MYOZ1: variants seen among roughly 807,000 people sequenced by gnomAD.
MYOZ1 encodes myozenin-1.
A neutral mutation model predicts 28.7 loss-of-function variants in MYOZ1; 20 were observed. That is an observed-to-expected ratio of 0.70 (90% CI 0.49 to 1.01). The LOEUF (loss-of-function observed/expected upper bound fraction) is 1.01. Ranked by LOEUF, MYOZ1 falls within the 50% of genes least tolerant of loss-of-function variation. MYOZ1 has a pLI of 0.00. For missense variants in MYOZ1, 371 were observed against 372.4 expected (o/e 1.00, Z 0.03); for synonymous variants, 144 against 145.8 (o/e 0.99, Z 0.09).
chr10:73,640,059 T>A, intron 1 of MYOZ1, 24 bp from the exon 2 acceptor site: 2 of 1,581,402 alleles, frequency 1.3e-6, no homozygotes, highest in South Asian at 2.2e-5. Flanking sequence ...GAAGGAGGAG[T>A]TGGTGGATGG....
intron 4 of MYOZ1, 63 bp from the exon 5 acceptor site, chr10:73,634,128 TC>T: frequency 6.3e-7 from 1 of 1,585,412 alleles, no homozygotes; most frequent in South Asian, 1.1e-5. Flanking sequence ...TGAAAGGTAA[TC>T]CCACGCCCCT....
chr10:73,640,297 G>A lies in MYOZ1; in HGVS notation c.-18-262C>T, dbSNP rs138849384. 6.7e-3 allele frequency among the ~76,000 whole-genome samples: 1,017 copies of A among 152,098 alleles called. 4 individuals carry two copies. The highest frequency in any genetic ancestry group is 0.012 in the Non-Finnish European group (823 of 67,990). On this transcript the variant is annotated intron_variant, in intron 1 of 5. Transcript: ENST00000359322. The stretch of plus-strand genomic sequence containing the variant: ...CCCAAGTAGCTGGGACTATAGGTGC[G>A]CACCACCGTGCCTGGCTAATTTTTG...
intron 3 of MYOZ1, among the ~76,000 whole-genome samples, chr10:73,637,406 G>C (rs1478263103): frequency 6.6e-6 from 1 of 152,100 alleles, no homozygotes; most frequent in Non-Finnish European, 1.5e-5. Context: ...TATTCATTGT[G>C]TATCTCAACT....
chr10:73,637,663 C>T (rs2132407759), intron 3 of MYOZ1, 81 bp downstream of exon 3: 2 of 1,337,624 alleles, frequency 1.5e-6, no homozygotes, highest in South Asian at 2.9e-5. Flanking sequence ...ATGTTGACTG[C>T]ATTTTGGAGG....
intron 2 of MYOZ1, among the ~76,000 whole-genome samples, chr10:73,638,156 A>G (rs1002706846): frequency 6.6e-6 from 1 of 151,910 alleles, no homozygotes; most frequent in African/African-American, 2.4e-5. Flanking sequence ...GGAGAGGCCA[A>G]TGGGGTAAAA....
rs1449312155 is a variant in MYOZ1, at chr10:73,634,336, A to G, written c.502+148T>C. The G allele has an allele frequency of 3.9e-6, 4 of 1,029,442 alleles. No individual in the cohort carries two copies. In the East Asian group the frequency reaches 8.3e-5, roughly 21 times the overall value. 63.8% of individuals were successfully genotyped at this position (1,029,442 alleles called of 1,614,324 possible). ...CTGGACCCAGGTAATTCACCAAGAT[A>G]TTTATGATATTTAAACTGATATTAT... On this transcript the variant is annotated intron_variant, in intron 4 of 5. Coordinates refer to ENST00000359322, the MANE Select transcript of MYOZ1 (RefSeq NM_021245.4).
At position 73,640,552 on chromosome 10, in the gene MYOZ1, T is replaced by A. The variant is rs770924912; in HGVS notation, c.-18-517A>T. On this transcript the variant is annotated intron_variant, in intron 1 of 5. Coordinates refer to ENST00000359322, the MANE Select transcript of MYOZ1 (RefSeq NM_021245.4). Reference sequence around the variant, plus strand: ...AAGTATAGATGCACACCAGCCCCTGTTGTCTACCAACCTGTTGTGAGCTGT... The same window carrying A: ...AAGTATAGATGCACACCAGCCCCTGATGTCTACCAACCTGTTGTGAGCTGT... Among the ~76,000 whole-genome samples, 6 of 152,220 alleles carry A rather than the reference T, an allele frequency of 3.9e-5. No individual in the cohort carries two copies. The East Asian group carries it at 1.2e-3, about 29-fold the overall frequency.
Position 73,631,857 on chromosome 10 carries a change from C to T in MYOZ1, c.*73G>A. On this transcript the variant is annotated 3_prime_UTR_variant, in exon 6 of 6. Coordinates refer to ENST00000359322, the MANE Select transcript of MYOZ1 (RefSeq NM_021245.4). The stretch of plus-strand genomic sequence containing the variant: ...AAGGATACTGGATTAACAATGGGGG[C>T]TATCTGCTCAGCATTCCCTCTCCAA... 7.9e-7 allele frequency: 1 copy of T among 1,270,350 alleles called. No homozygotes were observed. Among genetic ancestry groups the T allele is most frequent in the African/African-American group, 1.5e-5 (1 of 67,934 alleles). 78.7% of individuals were successfully genotyped at this position (1,270,350 alleles called of 1,614,324 possible).
chr10:73,632,783 CAAA>C (rs778322709), intron 5 of MYOZ1, among the ~76,000 whole-genome samples: 2 of 119,910 alleles, frequency 1.7e-5, no homozygotes, highest in Non-Finnish European at 1.8e-5. Context: ...GACTCTGTCT[CAAA>C]AAAAAAAAAA....
rs1461699159 is a variant in MYOZ1, at chr10:73,632,172, G to T, written c.669-11C>A. 6.2e-7 allele frequency: 1 copy of T among 1,605,130 alleles called. No homozygotes were observed. Among genetic ancestry groups the T allele is most frequent in the Non-Finnish European group, 8.5e-7 (1 of 1,171,992 alleles). The stretch of plus-strand genomic sequence containing the variant: ...TAGGGCATTGCCGTCCTGAGAAGGG[G>T]ACACATTATTTAATTAAGAATCAGA... On this transcript the variant is annotated splice_polypyrimidine_tract_variant and intron_variant, in intron 5 of 5. Coordinates refer to ENST00000359322, the MANE Select transcript of MYOZ1 (RefSeq NM_021245.4).
intron 5 of MYOZ1, among the ~76,000 whole-genome samples, chr10:73,633,656 C>T (rs2081649220): frequency 6.6e-6 from 1 of 152,292 alleles, no homozygotes; most frequent in Non-Finnish European, 1.5e-5. Flanking sequence ...CCCATGCCTA[C>T]ACAGCTAATA....
At chr10:73,634,190 A>G in intron 4 of MYOZ1, 125 bp from the exon 5 acceptor site, 1 of 1,163,552 alleles carries the variant, frequency 8.6e-7, no homozygotes, top group Non-Finnish European at 1.2e-6. Flanking sequence ...TATCCTGGTA[A>G]TTGTATAAGG....
Position 73,634,550 on chromosome 10 carries a change from C to T in MYOZ1, c.436G>A (p.Gly146Ser). The T allele has an allele frequency of 6.2e-7, 1 of 1,614,144 alleles. No individual in the cohort carries two copies. Among genetic ancestry groups the T allele is most frequent in the Non-Finnish European group, 8.5e-7 (1 of 1,180,038 alleles). The change falls in exon 4 of 6, where the codon GGT becomes AGT. Residue 146 changes from glycine to serine, a missense_variant. By Grantham distance (56) the Gly-to-Ser change is moderately conservative. Coordinates refer to ENST00000359322, the MANE Select transcript of MYOZ1 (RefSeq NM_021245.4). ...GSGSGAGGTG[G>S]PAGQAGRGGA... ...CCTCTGCCAGCCTGGCCCGCGGGAC[C>T]ACCTGTACCCCCAGCTCCAGACCCA...
rs150166405 is a variant in MYOZ1, at chr10:73,632,088, C to G, written c.742G>C (p.Gly248Arg). 3.7e-5 allele frequency: 59 copies of G among 1,614,098 alleles called. No homozygotes were observed. In the African/African-American group the frequency reaches 6.9e-4, roughly 19 times the overall value. ...MTFQMPKFDLGPLLSEPLVLY... is the reference protein window; with the variant it reads ...MTFQMPKFDLRPLLSEPLVLY... ...ACCAGGGGTTCACTCAGCAAGGGCC[C>G]CAGGTCAAACTTGGGCATCTGGAAG... Residue 248 changes from glycine to arginine, a missense_variant, in exon 6 of 6, where the codon GGG becomes CGG. Transcript: ENST00000359322.
At chr10:73,638,995 T>C (rs1053623884) in intron 2 of MYOZ1, among the ~76,000 whole-genome samples, 1 of 135,728 alleles carries the variant, frequency 7.4e-6, no homozygotes, top group African/African-American at 2.8e-5. Flanking sequence ...TTAATGGAAA[T>C]GAGGTCTCAT....
intron 4 of MYOZ1, 126 bp downstream of exon 4, chr10:73,634,358 T>C (rs2132405493): frequency 9.1e-7 from 1 of 1,103,932 alleles, no homozygotes; most frequent in Non-Finnish European, 1.2e-6. Context: ...TAAACTGATA[T>C]TATTATATTT....
At chr10:73,635,122 T>C (rs1301117213) in intron 3 of MYOZ1, among the ~76,000 whole-genome samples, 2 of 152,050 alleles carry the variant, frequency 1.3e-5, no homozygotes, top group African/African-American at 4.8e-5. Context: ...GTGGGGTTTC[T>C]GCACGTTGGT....
Position 73,637,869 on chromosome 10 carries a change from C to G in MYOZ1, c.127G>C (p.Asp43His). ...NLGKKISVPR[D>H]VMLEELSLLT... ...AGCGACAGTTCCTCCAACATCACAT[C>G]CCTTGGGACACTGATCTTTTTGCCC... The change falls in exon 3 of 6, where the codon GAT (aspartate) becomes CAT (histidine). Residue 43 changes from aspartate (D) to histidine (H), a missense_variant. Physicochemically the swap from Asp to His is moderately conservative, Grantham distance 81. Coordinates refer to ENST00000359322, the MANE Select transcript of MYOZ1 (RefSeq NM_021245.4). 1 of 1,614,124 alleles carries G rather than the reference C, an allele frequency of 6.2e-7. No homozygotes were observed. Among genetic ancestry groups the G allele is most frequent in the Non-Finnish European group, 8.5e-7 (1 of 1,180,030 alleles).
chr10:73,636,390 G>C (rs376526603), intron 3 of MYOZ1, among the ~76,000 whole-genome samples: 8 of 152,062 alleles, frequency 5.3e-5, no homozygotes, highest in Non-Finnish European at 1.2e-4. Context: ...CTCTTTCTAG[G>C]GTTGCCAGAT....
Sources: allele counts gnomAD v4.1 joint callset (sites outside exome capture counted in the v4.1 genomes callset), GRCh38; gene constraint gnomAD v4.1.1; transcripts MANE v1.5; gene names NCBI Gene and HGNC (gene_info 2026-07-23, HGNC 2026-07-21).